The following GLRA2 variants were observed in gnomAD, a reference collection of about 807,000 sequenced individuals.
The protein encoded by GLRA2 is glycine receptor alpha 2, also known as glycine receptor subunit alpha-2.
Under a neutral mutation model 31.6 loss-of-function variants are expected in GLRA2, and 11 were observed. The ratio of observed to expected loss-of-function variants is 0.35; its 90% CI spans 0.22 to 0.58. GLRA2 has a LOEUF of 0.58. GLRA2 is among the 20% of genes least tolerant of loss of function. The probability of loss-of-function intolerance (pLI) is 0.84; values close to 1 mark genes in which losing one functional copy is unlikely to be tolerated. For synonymous variants in GLRA2, 132 were observed against 134.0 expected, an observed-to-expected ratio of 0.99 and a Z score of 0.10; for missense variants, 212 against 351.8, an observed-to-expected ratio of 0.60 and a Z score of 3.18.
the GLRA2 span, among the ~76,000 whole-genome samples, chrX:14,510,875 G>A: frequency 9.0e-6 from 1 of 111,347 alleles, no homozygotes; most frequent in South Asian, 3.7e-4. Context: ...ACAAGACACT[G>A]AGAATTACAT....
the GLRA2 span, among the ~76,000 whole-genome samples, chrX:14,464,153 G>C: frequency 8.9e-6 from 1 of 112,364 alleles, no homozygotes; most frequent in East Asian, 2.8e-4. Flanking sequence ...TCACTCTGAT[G>C]ATTGTTTTCT....
chrX:14,545,073 A>T (rs2089460000), intron 2 of GLRA2, among the ~76,000 whole-genome samples: 1 of 112,098 alleles, frequency 8.9e-6, no homozygotes, highest in Non-Finnish European at 1.9e-5. Flanking sequence ...TTTATTTGAG[A>T]CAAAGTATCC....
chrX:14,593,950 C>G (rs775816017), intron 4 of GLRA2, among the ~76,000 whole-genome samples: 1 of 112,684 alleles, frequency 8.9e-6, no homozygotes, highest in Non-Finnish European at 1.9e-5. Flanking sequence ...TTAGCTGATG[C>G]TGTTCCTCCC....
At chrX:14,712,851 A>G (rs2091732121) in intron 8 of GLRA2, among the ~76,000 whole-genome samples, 1 of 111,741 alleles carries the variant, frequency 8.9e-6, no homozygotes, top group Non-Finnish European at 1.9e-5. Context: ...CGTGTCTAAC[A>G]AAGCAGCCTC....
intron 7 of GLRA2, among the ~76,000 whole-genome samples, chrX:14,651,966 A>G (rs2090894766): frequency 9.0e-6 from 1 of 111,090 alleles, no homozygotes; most frequent in Non-Finnish European, 1.9e-5. Context: ...TGCCTTTGTA[A>G]GAAAAGACAC....
intron 7 of GLRA2, among the ~76,000 whole-genome samples, chrX:14,682,351 G>C (rs1305392011): frequency 9.0e-6 from 1 of 110,875 alleles, no homozygotes. Flanking sequence ...ACTTCAGATT[G>C]TTTTAGACAA....
intron 4 of GLRA2, among the ~76,000 whole-genome samples, chrX:14,589,682 T>A (rs1286349433): frequency 3.5e-5 from 2 of 56,616 alleles, no homozygotes; most frequent in African/African-American, 7.8e-5. Context: ...AAAAAATATA[T>A]ATATATATAT....
At chrX:14,604,954 T>A (rs917151429) in intron 5 of GLRA2, among the ~76,000 whole-genome samples, 3 of 110,528 alleles carry the variant, frequency 2.7e-5, no homozygotes, top group African/African-American at 9.9e-5. Flanking sequence ...GCATTTCTCT[T>A]AGATAAGCAG....
At chrX:14,610,218 G>T (rs2090383398) in intron 7 of GLRA2, among the ~76,000 whole-genome samples, 1 of 111,985 alleles carries the variant, frequency 8.9e-6, no homozygotes, top group South Asian at 3.7e-4. Context: ...GTTTATGTTT[G>T]GTTGTGCTGA....
chrX:14,479,797 C>T, the GLRA2 span, among the ~76,000 whole-genome samples: 40 of 111,344 alleles, frequency 3.6e-4, no homozygotes, highest in African/African-American at 9.5e-4. Context: ...AGGTTGATTC[C>T]GTATCTTTGC....
At chrX:14,601,535 TAAAG>T (rs1440807040) in intron 4 of GLRA2, among the ~76,000 whole-genome samples, 2 of 111,967 alleles carry the variant, frequency 1.8e-5, no homozygotes, top group Non-Finnish European at 3.8e-5. Context: ...TAATGCAAGA[TAAAG>T]AATAAAAACA....
At chrX:14,643,117 G>A (rs1407143369) in intron 7 of GLRA2, among the ~76,000 whole-genome samples, 1 of 111,882 alleles carries the variant, frequency 8.9e-6, no homozygotes, top group African/African-American at 3.2e-5. Context: ...GGATGACAGC[G>A]ATCAGGGAAA....
At chrX:14,676,483 C>T (rs149631889) in intron 7 of GLRA2, among the ~76,000 whole-genome samples, 1,178 of 111,944 alleles carry the variant, frequency 0.011, 7 homozygotes, top group Middle Eastern at 0.019. Context: ...AGCAATCCTC[C>T]TTGATTAGCT....
intron 7 of GLRA2, among the ~76,000 whole-genome samples, chrX:14,684,154 C>T (rs747774468): frequency 3.1e-4 from 35 of 111,173 alleles, no homozygotes; most frequent in African/African-American, 9.8e-4. Flanking sequence ...CTGAGGGCTC[C>T]GTTCTGTTCC....
chrX:14,652,817 A>T (rs1250952817), intron 7 of GLRA2, among the ~76,000 whole-genome samples: 1 of 111,760 alleles, frequency 8.9e-6, no homozygotes, highest in East Asian at 2.8e-4. Flanking sequence ...AATGGTCTAC[A>T]TGTTTAAGTG....
the GLRA2 span, among the ~76,000 whole-genome samples, chrX:14,458,644 C>G: frequency 5.3e-5 from 6 of 112,293 alleles, no homozygotes; most frequent in East Asian, 2.8e-4. Context: ...AGTTTTTCAT[C>G]TGTCTGTGGG....
chrX:14,501,302 G>A, the GLRA2 span, among the ~76,000 whole-genome samples: 4 of 111,864 alleles, frequency 3.6e-5, no homozygotes, highest in Non-Finnish European at 5.6e-5. Flanking sequence ...CCTACATATT[G>A]TGGCCAGTTG....
Position 14,597,870 on chromosome X carries a change from C to T in GLRA2, c.495-6445C>T, listed in dbSNP as rs373428669. Reference sequence around the variant, plus strand: ...ACTCTGTGAGTTTCAATTTGCTTATCTCACAAATGGAGGTAACACTGTCTG... The same window carrying T: ...ACTCTGTGAGTTTCAATTTGCTTATTTCACAAATGGAGGTAACACTGTCTG... On this transcript the variant is annotated intron_variant, in intron 4 of 8. Transcript: ENST00000218075. Among the ~76,000 whole-genome samples the T allele has an allele frequency of 7.2e-5, 8 of 111,719 alleles. No homozygotes were observed. The East Asian group carries it at 2.2e-3, about 31-fold the overall frequency.
chrX:14,598,455 A>G (rs1036899050), intron 4 of GLRA2, among the ~76,000 whole-genome samples: 2 of 112,464 alleles, frequency 1.8e-5, no homozygotes, highest in Non-Finnish European at 3.8e-5. Flanking sequence ...GTAATGTTAA[A>G]TGATTAATTT....
Sources: gnomAD v4.1 joint callset for allele counts (sites outside exome capture counted in the v4.1 genomes callset) on GRCh38, gnomAD v4.1.1 for gene constraint, MANE v1.5 for transcripts, NCBI Gene and HGNC (gene_info 2026-07-23, HGNC 2026-07-21) for gene names.